PLA2G6: variants seen among roughly 807,000 people sequenced by gnomAD.
PLA2G6 encodes the protein 85/88 kDa calcium-independent phospholipase A2.
In PLA2G6, 62 loss-of-function variants were observed where a neutral mutation model predicts 83.8. That is an observed-to-expected ratio of 0.74 (90% CI 0.60 to 0.91). The LOEUF (loss-of-function observed/expected upper bound fraction) is 0.91. PLA2G6 is among the 40% of genes least tolerant of loss of function. The pLI, the probability that PLA2G6 is intolerant of heterozygous loss-of-function variation, is 0.00. For synonymous variants in PLA2G6, 417 were observed against 449.8 expected, an observed-to-expected ratio of 0.93 and a Z score of 0.92; for missense variants, 944 against 1,102.0, an observed-to-expected ratio of 0.86 and a Z score of 2.03.
chr22:38,176,113 C>G (rs575226170), intron 1 of PLA2G6, among the ~76,000 whole-genome samples: 2 of 152,306 alleles, frequency 1.3e-5, no homozygotes, highest in South Asian at 4.1e-4. Flanking sequence ...CCGGGAGAAC[C>G]TGTATCTAGC....
intron 5 of PLA2G6, chr22:38,137,707 A>T (rs962297253): frequency 2.0e-5 from 3 of 152,188 alleles, no homozygotes; most frequent in African/African-American, 7.2e-5. Context: ...AGTGGCGCAC[A>T]CCTGTAATCC....
At chr22:38,173,125 G>T (rs1277549712) in intron 1 of PLA2G6, among the ~76,000 whole-genome samples, 1 of 152,186 alleles carries the variant, frequency 6.6e-6, no homozygotes, top group African/African-American at 2.4e-5. Context: ...GTGCTCACAC[G>T]TGCTTCCTTC....
chr22:38,145,899 G>C, intron 2 of PLA2G6: 2 of 508,354 alleles, frequency 3.9e-6, no homozygotes, highest in Non-Finnish European at 7.2e-6. Flanking sequence ...TTAGAGACAA[G>C]GTCTTGCTCT....
chr22:38,126,198 C>T (rs763015750), intron 10 of PLA2G6, 173 bp downstream of exon 10: 17 of 687,068 alleles, frequency 2.5e-5, no homozygotes, highest in Middle Eastern at 2.5e-4. Context: ...AATGAACGAG[C>T]GACACAGGCT....
chr22:38,127,026 G>A, intron 9 of PLA2G6: 3 of 1,095,974 alleles, frequency 2.7e-6, no homozygotes, highest in African/African-American at 1.6e-5. Flanking sequence ...CATCCACTCT[G>A]TCCATGTCTT....
intron 1 of PLA2G6, among the ~76,000 whole-genome samples, chr22:38,173,415 A>G (rs908474856): frequency 3.3e-5 from 5 of 151,722 alleles, no homozygotes; most frequent in Non-Finnish European, 5.9e-5. Context: ...TCTCTCAAAC[A>G]CCACAAGCAG....
chr22:38,136,312 G>C (rs2088550635), intron 5 of PLA2G6: 1 of 152,230 alleles, frequency 6.6e-6, no homozygotes, highest in Admixed American at 6.5e-5. Context: ...AAATGGGCCG[G>C]GTGTGGTGGC....
rs1439860774 is a variant in PLA2G6 at position 38,123,888 on chromosome 22, T to C, written c.1428-630A>G. 1.3e-5 allele frequency among the ~76,000 whole-genome samples: 2 copies of C among 152,102 alleles called. No individual in the cohort carries two copies. The highest frequency in any genetic ancestry group is 2.1e-4 in the South Asian group (1 of 4,826). ...TTCACTCTTGTTGCCCAGGCTGGAGTGCAATAACGCGATCTCGGCTCACCG... is the reference window on the plus strand; with the variant it reads ...TTCACTCTTGTTGCCCAGGCTGGAGCGCAATAACGCGATCTCGGCTCACCG... On this transcript the variant is annotated intron_variant, in intron 10 of 16. Transcript: ENST00000332509. This position sits in a 1 kb window ranked among gnomAD's most constrained non-coding sequence, Gnocchi z 4.1.
chr22:38,169,333 A>T lies in PLA2G6; in HGVS notation c.94T>A (p.Tyr32Asn). Residue 32 changes from tyrosine to asparagine, a missense_variant, in exon 2 of 17, where the codon TAC becomes AAC. Tyr to Asn is a moderately radical substitution (Grantham distance 143). Transcript: ENST00000332509. ...FRVKEVAVAD[Y>N]TSSDRVREEG... ...TCCCGAACTCGGTCACTCGAGGTGT[A>T]GTCGGCCACAGCCACCTCCTTCACC... 6.2e-7 allele frequency: 1 copy of T among 1,614,180 alleles called. No individual in the cohort carries two copies. The highest frequency in any genetic ancestry group is 1.1e-5 in the South Asian group (1 of 91,082).
At chr22:38,133,634 G>C (rs1296962049) in intron 6 of PLA2G6, 1 of 154,096 alleles carries the variant, frequency 6.5e-6, no homozygotes, top group Non-Finnish European at 1.4e-5. Context: ...CTGGAATGCA[G>C]AGGTACCCTG....
In PLA2G6 at chr22:38,169,398, G is replaced by T. The variant is rs1323819447; in HGVS notation, c.29C>A (p.Thr10Asn). The change falls in exon 2 of 17, where the codon ACC becomes AAC. Residue 10 changes from threonine (T) to asparagine (N), a missense_variant. Thr to Asn is a moderately conservative substitution (Grantham distance 65). Coordinates refer to ENST00000332509, the MANE Select transcript of PLA2G6 (RefSeq NM_003560.4). MQFFGRLVN[T>N]FSGVTNLFSN... ...GAACAAGTTGGTGACGCCACTGAAGGTATTGACCAGGCGGCCAAAGAACTG... is the reference window on the plus strand; with the variant it reads ...GAACAAGTTGGTGACGCCACTGAAGTTATTGACCAGGCGGCCAAAGAACTG... 1 of 1,614,244 alleles carries T rather than the reference G, an allele frequency of 6.2e-7. No individual in the cohort carries two copies. Among genetic ancestry groups the T allele is most frequent in the South Asian group, 1.1e-5 (1 of 91,088 alleles).
intron 4 of PLA2G6, 84 bp from the exon 5 acceptor site, chr22:38,140,253 AT>A: frequency 1.5e-6 from 2 of 1,327,544 alleles, no homozygotes; most frequent in Non-Finnish European, 2.1e-6. Context: ...CATGCCTGTA[AT>A]CCTAGCACTT....
Position 38,129,576 on chromosome 22 carries a change from A to T in PLA2G6, c.1078-14T>A, listed in dbSNP as rs1266942709. ...CACGTTGTCTTTCTGTTGGAGATGG[A>T]GAGAGGATAAGACGTGCAACTGCCG... On this transcript the variant is annotated splice_polypyrimidine_tract_variant and intron_variant, in intron 7 of 16. Coordinates refer to ENST00000332509, the MANE Select transcript of PLA2G6 (RefSeq NM_003560.4). The T allele has an allele frequency of 6.3e-7, 1 of 1,591,858 alleles. No homozygotes were observed. The highest frequency in any genetic ancestry group is 1.7e-4 in the Middle Eastern group (1 of 6,020).
chr22:38,115,615 C>A lies in PLA2G6; in HGVS notation c.1946G>T (p.Arg649Leu). 6.2e-7 allele frequency: 1 copy of A among 1,611,416 alleles called. No individual in the cohort carries two copies. The highest frequency in any genetic ancestry group is 8.5e-7 in the Non-Finnish European group (1 of 1,179,216). The change falls in exon 14 of 17, where the codon CGC (arginine) becomes CTC (leucine). Residue 649 changes from arginine (R) to leucine (L), a missense_variant. By Grantham distance (102) the Arg-to-Leu change is moderately radical. Transcript: ENST00000332509. ...AAPTYFRPNG[R>L]FLDGGLLANN... ...GGCCAGCAGCCCACCGTCCAGGAAGCGCCCATTGGGTCGGAAGTAAGTAGG... is the reference window on the plus strand; with the variant it reads ...GGCCAGCAGCCCACCGTCCAGGAAGAGCCCATTGGGTCGGAAGTAAGTAGG...
At position 38,120,999 on chromosome 22, in the gene PLA2G6, G is replaced by C; in HGVS notation, c.1592-90C>G. On this transcript the variant is annotated intron_variant, in intron 11 of 16. Transcript: ENST00000332509. ...CCTGCAGAGCGCCTGAACGCAGGAG[G>C]TGGCAGGAGGAAGCGGGTTTACCGA... is the stretch of plus-strand genomic sequence containing the variant. 4 of 1,498,362 alleles carry C rather than the reference G, an allele frequency of 2.7e-6. No homozygotes were observed. In the South Asian group the frequency reaches 4.6e-5, roughly 17 times the overall value. 92.8% of individuals were successfully genotyped at this position (1,498,362 alleles called of 1,614,324 possible).
chr22:38,167,088 C>T lies in PLA2G6; in HGVS notation c.209+2130G>A, dbSNP rs148080261. On this transcript the variant is annotated intron_variant, in intron 2 of 16. Coordinates refer to ENST00000332509, the MANE Select transcript of PLA2G6 (RefSeq NM_003560.4). ...CTAAAAATACAAAATATTAGCCAGGCGTGGTGGCGGGTGCCTGTAGTCCCA... is the reference window on the plus strand; with the variant it reads ...CTAAAAATACAAAATATTAGCCAGGTGTGGTGGCGGGTGCCTGTAGTCCCA... Among the ~76,000 whole-genome samples the T allele has an allele frequency of 7.5e-3, 1,136 of 151,902 alleles. 13 individuals are homozygous for T. Among genetic ancestry groups the T allele is most frequent in the Non-Finnish European group, 0.011 (764 of 67,914 alleles).
intron 13 of PLA2G6, 169 bp downstream of exon 13, chr22:38,115,906 G>GTTAGA (rs755814729): frequency 5.2e-5 from 76 of 1,462,572 alleles, no homozygotes; most frequent in Non-Finnish European, 6.5e-5. Flanking sequence ...ACCTGCCAGG[G>GTTAGA]GCCTGACAGC....
chr22:38,172,752 C>T (rs1448867691), intron 1 of PLA2G6, among the ~76,000 whole-genome samples: 1 of 152,228 alleles, frequency 6.6e-6, no homozygotes, highest in Non-Finnish European at 1.5e-5. Context: ...ACCCATGAGC[C>T]TCAGATTGAG....
At chr22:38,167,880 T>G (rs1321943048) in intron 2 of PLA2G6, 2 of 169,592 alleles carry the variant, frequency 1.2e-5, no homozygotes, top group East Asian at 3.8e-4. Context: ...CCCCAGCTGC[T>G]TCCTTCAGCC....
Sources: gnomAD v4.1 joint callset for allele counts (sites outside exome capture counted in the v4.1 genomes callset) on GRCh38, gnomAD v4.1.1 for gene constraint, Gnocchi (gnomAD v3.1) non-coding constraint, MANE v1.5 for transcripts, NCBI Gene and HGNC (gene_info 2026-07-23, HGNC 2026-07-21) for gene names.